Variants in FBXW8 observed in about 807,000 individuals in gnomAD.
FBXW8 encodes the protein F-box/WD repeat-containing protein 8.
Under a neutral mutation model 65.3 loss-of-function variants are expected in FBXW8, and 57 were observed. The observed-to-expected ratio is 0.87, with a 90% CI of 0.71 to 1.09. FBXW8 has a LOEUF of 1.09. Among genes scored for constraint, FBXW8 ranks in the 50% least tolerant of loss-of-function variants. The pLI is 0.00. For synonymous variants in FBXW8, 308 were observed against 330.2 expected (o/e 0.93, Z 0.73); for missense variants, 777 against 814.8 (o/e 0.95, Z 0.57).
At chr12:116,977,647 A>T (rs1319041133) in intron 5 of FBXW8, 1 of 152,114 alleles carries the variant, frequency 6.6e-6, no homozygotes, top group East Asian at 1.9e-4. Context: ...GATAGAGTCT[A>T]TATCATGTGT....
At chr12:116,962,012 A>G (rs1057100457) in intron 4 of FBXW8, among the ~76,000 whole-genome samples, 5 of 152,094 alleles carry the variant, frequency 3.3e-5, no homozygotes. Flanking sequence ...CTGAGCATCT[A>G]TAGTGGTGCG....
chr12:116,922,030 A>G (rs987950769), intron 1 of FBXW8, among the ~76,000 whole-genome samples: 3 of 151,868 alleles, frequency 2.0e-5, no homozygotes, highest in Non-Finnish European at 4.4e-5. Flanking sequence ...GTGTCTCACT[A>G]TGTTACCTGG....
intron 7 of FBXW8, among the ~76,000 whole-genome samples, chr12:116,994,463 A>G (rs985017386): frequency 2.1e-4 from 32 of 152,212 alleles, no homozygotes; most frequent in African/African-American, 6.8e-4. Context: ...ATGTGGTGGG[A>G]GGACTCCTTC....
At chr12:116,988,073 C>T (rs1301293649) in intron 6 of FBXW8, among the ~76,000 whole-genome samples, 1 of 152,230 alleles carries the variant, frequency 6.6e-6, no homozygotes, top group Non-Finnish European at 1.5e-5. Flanking sequence ...CGTATAGATA[C>T]ACTGAGTTAT....
intron 1 of FBXW8, among the ~76,000 whole-genome samples, chr12:116,920,302 C>T (rs1205607224): frequency 6.6e-6 from 1 of 152,198 alleles, no homozygotes; most frequent in African/African-American, 2.4e-5. Context: ...TTTGTTGGAA[C>T]GGTCTGCTGC....
At chr12:117,009,920 C>T (rs1472405722) in intron 7 of FBXW8, among the ~76,000 whole-genome samples, 2 of 152,206 alleles carry the variant, frequency 1.3e-5, no homozygotes, top group Non-Finnish European at 2.9e-5. Context: ...CAGATGAGAA[C>T]TCATGCTGGC....
chr12:116,941,751 C>T (rs1882580630), intron 2 of FBXW8, among the ~76,000 whole-genome samples: 1 of 152,152 alleles, frequency 6.6e-6, no homozygotes, highest in Non-Finnish European at 1.5e-5. Flanking sequence ...TCTGTCCCTT[C>T]ATCACTGCCT....
At chr12:116,962,666 T>C (rs1884059404) in intron 4 of FBXW8, among the ~76,000 whole-genome samples, 1 of 152,228 alleles carries the variant, frequency 6.6e-6, no homozygotes, top group Admixed American at 6.5e-5. Context: ...TCACTTACCA[T>C]CTGTGTATTT....
At chr12:116,984,928 T>C (rs1415489475) in intron 5 of FBXW8, among the ~76,000 whole-genome samples, 1 of 152,114 alleles carries the variant, frequency 6.6e-6, no homozygotes, top group Non-Finnish European at 1.5e-5. Context: ...AGTTCAAAAA[T>C]GCAGTGAGCT....
intron 2 of FBXW8, among the ~76,000 whole-genome samples, chr12:116,943,883 A>G (rs750263323): frequency 6.6e-6 from 1 of 152,144 alleles, no homozygotes; most frequent in Admixed American, 6.5e-5. Flanking sequence ...TTTTGGGTAA[A>G]TGCCCTGGAG....
At chr12:116,930,731 G>GT (rs2137314314) in intron 2 of FBXW8, among the ~76,000 whole-genome samples, 1 of 152,286 alleles carries the variant, frequency 6.6e-6, no homozygotes, top group African/African-American at 2.4e-5. Flanking sequence ...GTGTCATGGA[G>GT]TTTTTCCCCT....
intron 5 of FBXW8, among the ~76,000 whole-genome samples, chr12:116,972,794 G>A (rs1884713644): frequency 6.6e-6 from 1 of 152,214 alleles, no homozygotes; most frequent in Admixed American, 6.5e-5. Flanking sequence ...GAAGTAAACA[G>A]AGATGTACAT....
intron 7 of FBXW8, among the ~76,000 whole-genome samples, chr12:116,998,027 C>A (rs544005748): frequency 6.6e-6 from 1 of 152,226 alleles, no homozygotes; most frequent in South Asian, 2.1e-4. Context: ...ACATGTTGGC[C>A]AGGCTGGTCT....
intron 5 of FBXW8, among the ~76,000 whole-genome samples, chr12:116,982,503 C>T (rs569471445): frequency 6.6e-6 from 1 of 151,956 alleles, no homozygotes; most frequent in Non-Finnish European, 1.5e-5. Context: ...AGCCCCCCGA[C>T]AAGTGAGGAT....
intron 5 of FBXW8, among the ~76,000 whole-genome samples, chr12:116,976,342 A>G (rs1031555374): frequency 7.8e-5 from 11 of 141,084 alleles, no homozygotes; most frequent in Non-Finnish European, 1.5e-4. Context: ...GTATCTTGCT[A>G]TTTGTCTTCA....
intron 8 of FBXW8, among the ~76,000 whole-genome samples, chr12:117,015,585 T>C (rs973802263): frequency 1.3e-5 from 2 of 151,846 alleles, no homozygotes; most frequent in African/African-American, 4.8e-5. Flanking sequence ...GAACCAAGAG[T>C]TGGTGCTAAG....
chr12:116,995,849 C>T (rs953693468), intron 7 of FBXW8, among the ~76,000 whole-genome samples: 1 of 152,174 alleles, frequency 6.6e-6, no homozygotes, highest in African/African-American at 2.4e-5. Flanking sequence ...GTTAATGTAG[C>T]CTTCGTGCCC....
intron 2 of FBXW8, among the ~76,000 whole-genome samples, chr12:116,933,657 A>T (rs1390695424): frequency 6.6e-6 from 1 of 152,232 alleles, no homozygotes; most frequent in Non-Finnish European, 1.5e-5. Flanking sequence ...TCTTAAACAG[A>T]ACCCCGTTAG....
At chr12:116,995,836 G>C (rs1196186281) in intron 7 of FBXW8, among the ~76,000 whole-genome samples, 1 of 152,150 alleles carries the variant, frequency 6.6e-6, no homozygotes, top group South Asian at 2.1e-4. Context: ...CAGTGTGAAC[G>C]CTGTTAATGT....
Sources: allele counts gnomAD v4.1 joint callset (sites outside exome capture counted in the v4.1 genomes callset), GRCh38; gene constraint gnomAD v4.1.1; transcripts MANE v1.5; gene names NCBI Gene and HGNC (gene_info 2026-07-23, HGNC 2026-07-21).